Variants in ERC1 observed in about 807,000 individuals in gnomAD.
ERC1 encodes the protein ELKS/RAB6-interacting/CAST family member 1.
In ERC1, 56 loss-of-function variants were observed where a neutral mutation model predicts 132.0. The ratio of observed to expected loss-of-function variants is 0.42; its 90% CI spans 0.34 to 0.53. The LOEUF is 0.53. ERC1 is among the 20% of genes least tolerant of loss of function. The probability of loss-of-function intolerance (pLI) is 0.03; values close to 1 mark genes in which losing one functional copy is unlikely to be tolerated. For synonymous variants in ERC1, 478 were observed against 476.1 expected (o/e 1.00, Z -0.05); for missense variants, 1,202 against 1,349.9 (o/e 0.89, Z 1.72).
Position 1,491,472 on chromosome 12 carries a change from G to A in ERC1, c.*1242G>A, listed in dbSNP as rs2094318166. ...TTGAAAAGGCCACTTCTCAGTGAGGGAGAGATGTAGTGGATTCTGTGAGAC... is the reference window on the plus strand; with the variant it reads ...TTGAAAAGGCCACTTCTCAGTGAGGAAGAGATGTAGTGGATTCTGTGAGAC... On this transcript the variant is annotated 3_prime_UTR_variant, in exon 19 of 19. Coordinates refer to ENST00000360905, the MANE Select transcript of ERC1 (RefSeq NM_178040.4). 1 of 230,422 alleles carries A rather than the reference G, an allele frequency of 4.3e-6. No individual in the cohort carries two copies. Among genetic ancestry groups the A allele is most frequent in the African/African-American group, 2.2e-5 (1 of 45,200 alleles). The allele number at this position is 230,422 out of a possible 1,614,324, so 14.3% of individuals were successfully genotyped here.
At chr12:1,138,090 A>G (rs1478413049) in intron 7 of ERC1, among the ~76,000 whole-genome samples, 1 of 96,300 alleles carries the variant, frequency 1.0e-5, no homozygotes, top group East Asian at 2.2e-4. Flanking sequence ...TATATAATAT[A>G]TAATCCATAT....
At chr12:1,327,665 A>G (rs1261454328) in intron 15 of ERC1, among the ~76,000 whole-genome samples, 6 of 152,136 alleles carry the variant, frequency 3.9e-5, no homozygotes. Flanking sequence ...TTATCTGTTC[A>G]GTGGCATCAG....
intron 9 of ERC1, 108 bp downstream of exon 9, chr12:1,180,785 G>A: frequency 7.5e-7 from 1 of 1,341,836 alleles, no homozygotes; most frequent in East Asian, 2.3e-5. Context: ...GAAAAGAGCT[G>A]CTGTGTGCTA....
chr12:1,130,249 A>G (rs919877204), intron 7 of ERC1, among the ~76,000 whole-genome samples: 1 of 152,186 alleles, frequency 6.6e-6, no homozygotes, highest in African/African-American at 2.4e-5. Context: ...CTATAATTCC[A>G]GCACTTTGGA....
At chr12:1,198,371 T>C (rs563943672) in intron 12 of ERC1, among the ~76,000 whole-genome samples, 10 of 152,320 alleles carry the variant, frequency 6.6e-5, no homozygotes, top group Admixed American at 6.5e-5. Context: ...GTCCTCCAAC[T>C]CTAGTAGAGA....
Position 1,188,159 on chromosome 12 carries a change from C to T in ERC1, c.2158-1700C>T, listed in dbSNP as rs150067033. ...TGTTTACACAATCATCTTTTGTGCCCCTACATCAAGCTGCCTCCTATTGCC... is the reference window on the plus strand; with the variant it reads ...TGTTTACACAATCATCTTTTGTGCCTCTACATCAAGCTGCCTCCTATTGCC... On this transcript the variant is annotated intron_variant, in intron 11 of 18. Coordinates refer to ENST00000360905, the MANE Select transcript of ERC1 (RefSeq NM_178040.4). Among the ~76,000 whole-genome samples the T allele has an allele frequency of 3.0e-3, 459 of 152,234 alleles. 2 individuals carry two copies. Among genetic ancestry groups the T allele is most frequent in the Middle Eastern group, 0.024 (7 of 294 alleles).
At position 1,490,089 on chromosome 12, in the gene ERC1, T is replaced by G; in HGVS notation, c.3214-4T>G. 6.2e-7 allele frequency: 1 copy of G among 1,613,310 alleles called. No individual in the cohort carries two copies. The highest frequency in any genetic ancestry group is 8.5e-7 in the Non-Finnish European group (1 of 1,179,252). On this transcript the variant is annotated splice_polypyrimidine_tract_variant and splice_region_variant and intron_variant, in intron 18 of 18. Transcript: ENST00000360905. ...CTGAAATCCATCTCTCCTTTCCCTT[T>G]CAGCTTCAGGATGAGTTAGAGAAAG...
intron 17 of ERC1, among the ~76,000 whole-genome samples, chr12:1,419,864 C>CAA (rs61705685): frequency 6.4e-4 from 87 of 136,880 alleles, no homozygotes; most frequent in African/African-American, 2.0e-3. Flanking sequence ...GATTTTCTGG[C>CAA]AAAAAAAAAA....
chr12:1,248,812 G>A lies in ERC1; in HGVS notation c.2487+11908G>A, dbSNP rs2076306804. 2.0e-5 allele frequency among the ~76,000 whole-genome samples: 3 copies of A among 152,250 alleles called. No individual in the cohort carries two copies. The South Asian group carries it at 6.2e-4, about 32-fold the overall frequency. On this transcript the variant is annotated intron_variant, in intron 13 of 18. Coordinates refer to ENST00000360905, the MANE Select transcript of ERC1 (RefSeq NM_178040.4). ...CAGTAATGTTGCACGAGACAAACAAGCTTCTTTCTCTTAAGAAGCTCACAT... is the reference window on the plus strand; with the variant it reads ...CAGTAATGTTGCACGAGACAAACAAACTTCTTTCTCTTAAGAAGCTCACAT...
rs879779409 is a variant in ERC1 at position 1,389,280 on chromosome 12, G to A, written c.2925+17303G>A. On this transcript the variant is annotated intron_variant, in intron 16 of 18. Transcript: ENST00000360905. ...ATCAAGAAAGCCGTTGGCTGGAGATGCTCCAGGTAAAGATGAGAGCTAGAA... is the reference window on the plus strand; with the variant it reads ...ATCAAGAAAGCCGTTGGCTGGAGATACTCCAGGTAAAGATGAGAGCTAGAA... Among the ~76,000 whole-genome samples, 59 of 152,200 alleles carry A rather than the reference G, an allele frequency of 3.9e-4. 1 individual carries two copies. Among genetic ancestry groups the A allele is most frequent in the Admixed American group, 2.7e-3 (42 of 15,282 alleles).
At chr12:1,157,673 C>G (rs566078325) in intron 8 of ERC1, among the ~76,000 whole-genome samples, 1 of 152,178 alleles carries the variant, frequency 6.6e-6, no homozygotes, top group Non-Finnish European at 1.5e-5. Flanking sequence ...AAATTTTCCT[C>G]TTCCAAAAAA....
chr12:1,112,068 T>C (rs1945941685), intron 5 of ERC1, 147 bp from the exon 6 acceptor site: 1 of 575,316 alleles, frequency 1.7e-6, no homozygotes, highest in South Asian at 2.0e-5. Flanking sequence ...AAACTACCTA[T>C]GGCTCTTTGA....
intron 11 of ERC1, among the ~76,000 whole-genome samples, chr12:1,186,556 T>C (rs1169597862): frequency 2.0e-5 from 3 of 152,240 alleles, no homozygotes; most frequent in Admixed American, 2.0e-4. Context: ...AATACTGTTA[T>C]TTCACTAAAG....
intron 2 of ERC1, among the ~76,000 whole-genome samples, chr12:1,070,087 C>G (rs1182902778): frequency 6.6e-6 from 1 of 151,966 alleles, no homozygotes; most frequent in African/African-American, 2.4e-5. Context: ...GCAAATAAGG[C>G]AAATTATTGG....
chr12:1,116,708 G>A (rs1946490771), intron 7 of ERC1, among the ~76,000 whole-genome samples: 1 of 151,854 alleles, frequency 6.6e-6, no homozygotes, highest in Non-Finnish European at 1.5e-5. Context: ...TCAGCCTCCT[G>A]AGTAGCTGGG....
At chr12:1,003,137 A>G (rs1962799795) in intron 1 of ERC1, among the ~76,000 whole-genome samples, 1 of 151,590 alleles carries the variant, frequency 6.6e-6, no homozygotes, top group African/African-American at 2.4e-5. Context: ...AAAAGAGAAA[A>G]GAAATGTGTT....
In ERC1 at chr12:1,027,881, A is replaced by G. The variant is rs755733420; in HGVS notation, c.-23A>G. ...TGTTGTTGTTGTTGATTTTCTGCTC[A>G]CACCTTTCCTGACCTTGCAACCATG... On this transcript the variant is annotated 5_prime_UTR_variant, in exon 2 of 19. Transcript: ENST00000360905. 5.8e-6 allele frequency: 9 copies of G among 1,564,674 alleles called. No individual in the cohort carries two copies. Among genetic ancestry groups the G allele is most frequent in the East Asian group, 4.5e-5 (2 of 44,286 alleles).
intron 15 of ERC1, among the ~76,000 whole-genome samples, chr12:1,367,658 A>T (rs1225332300): frequency 6.6e-6 from 1 of 152,108 alleles, no homozygotes; most frequent in Non-Finnish European, 1.5e-5. Context: ...CAGTTTCTGA[A>T]ATTTGCCCAG....
intron 3 of ERC1, among the ~76,000 whole-genome samples, chr12:1,093,460 T>A (rs78659662): frequency 6.6e-6 from 1 of 152,286 alleles, no homozygotes; most frequent in East Asian, 1.9e-4. Flanking sequence ...TGGTTTTCAG[T>A]CCGCTAGCAG....
Sources: allele counts gnomAD v4.1 joint callset (sites outside exome capture counted in the v4.1 genomes callset), GRCh38; gene constraint gnomAD v4.1.1; transcripts MANE v1.5; gene names NCBI Gene and HGNC (gene_info 2026-07-23, HGNC 2026-07-21).